The following CDH5 variants were observed in gnomAD, a reference collection of about 807,000 sequenced individuals.
The protein encoded by CDH5 is cadherin-5.
Under a neutral mutation model 62.0 loss-of-function variants are expected in CDH5, and 28 were observed. The ratio of observed to expected loss-of-function variants is 0.45; its 90% confidence interval spans 0.33 to 0.62. The LOEUF (loss-of-function observed/expected upper bound fraction) is 0.62, where lower values mean the gene tolerates loss of function less well. Among genes scored for constraint, CDH5 ranks in the 20% least tolerant of loss-of-function variants. CDH5 has a pLI of 0.02. For missense variants in CDH5, 940 were observed against 1,065.1 expected (o/e 0.88, Z 1.63); for synonymous variants, 464 against 445.8 (o/e 1.04, Z -0.52).
intron 1 of CDH5, chr16:66,376,243 C>T (rs1567460550): frequency 6.6e-6 from 1 of 152,222 alleles, no homozygotes; most frequent in African/African-American, 2.4e-5. Context: ...TGTGACGTCA[C>T]AATGGCTGCA....
At chr16:66,380,871 G>A (rs927364827) in intron 2 of CDH5, among the ~76,000 whole-genome samples, 1 of 151,924 alleles carries the variant, frequency 6.6e-6, no homozygotes, top group African/African-American at 2.4e-5. Flanking sequence ...AGTGTTGATA[G>A]TGGTGATAAT....
rs759015093 is a variant in CDH5, at chr16:66,402,708, G to A, written c.1894G>A (p.Gly632Ser). The A allele has an allele frequency of 7.5e-6, 12 of 1,609,310 alleles. No individual in the cohort carries two copies. In the East Asian group the frequency reaches 1.6e-4, roughly 21 times the overall value. The change falls in exon 12 of 12, where the codon GGC (glycine) becomes AGC (serine). Residue 632 changes from glycine to serine, a missense_variant. Physicochemically the swap from Gly to Ser is moderately conservative, Grantham distance 56. Transcript: ENST00000341529. ...GCTCCGGAAGCAGGCCCGCGCGCACGGCAAGAGCGTGCCGGAGATCCACGA... is the reference window on the plus strand; with the variant it reads ...GCTCCGGAAGCAGGCCCGCGCGCACAGCAAGAGCGTGCCGGAGATCCACGA... ...RRLRKQARAH[G>S]KSVPEIHEQL...
In CDH5 at chr16:66,367,771, T is replaced by C. The variant is rs969541050; in HGVS notation, c.-20+1013T>C. 4.6e-5 allele frequency among the ~76,000 whole-genome samples: 7 copies of C among 152,034 alleles called. No individual in the cohort carries two copies. In the East Asian group the frequency reaches 7.7e-4, roughly 17 times the overall value. On this transcript the variant is annotated intron_variant, in intron 1 of 11. Transcript: ENST00000341529. ...GGGGATTTGAACCAGGATCTCGTAC[T>C]CCAAAGCCCCAGCTCTCCCCAGGTC... is the stretch of plus-strand genomic sequence containing the variant.
In CDH5 at chr16:66,389,453, G is replaced by A. The variant is rs773614809; in HGVS notation, c.712G>A (p.Asp238Asn). Residue 238 changes from aspartate (D) to asparagine (N), a missense_variant, in exon 5 of 12, where the codon GAC becomes AAC. By Grantham distance (23) the Asp-to-Asn change is conservative. Transcript: ENST00000341529. ...EARDAQGLRG[D>N]SGTATVLVTL... is the part of the protein sequence containing the mutation. ...GCGAGATGCCCAGGGCCTCCGGGGG[G>A]ACTCGGGCACGGCCACCGTGCTGGT... 7 of 1,613,134 alleles carry A rather than the reference G, an allele frequency of 4.3e-6. No homozygotes were observed. Among genetic ancestry groups the A allele is most frequent in the South Asian group, 1.1e-5 (1 of 90,950 alleles).
chr16:66,374,406 G>T (rs1452578299), intron 1 of CDH5, among the ~76,000 whole-genome samples: 1 of 152,226 alleles, frequency 6.6e-6, no homozygotes. Flanking sequence ...ACACACAGCT[G>T]CTGTGAGGTG....
At chr16:66,382,105 T>C (rs1017555650) in intron 2 of CDH5, among the ~76,000 whole-genome samples, 2 of 152,246 alleles carry the variant, frequency 1.3e-5, no homozygotes, top group African/African-American at 4.8e-5. Context: ...TATAGGGCCA[T>C]CCCATGCTCA....
intron 8 of CDH5, 51 bp from the exon 9 acceptor site, chr16:66,397,931 C>T (rs749359839): frequency 6.2e-7 from 1 of 1,612,216 alleles, no homozygotes; most frequent in Non-Finnish European, 8.5e-7. Context: ...TTCCACCGCC[C>T]AAGGCCAGCA....
chr16:66,400,778 G>C lies in CDH5; in HGVS notation c.1599G>C (p.Thr533=). ...AGGCCTTGGTGTTTCCAGATAACAC[G>C]GCCAACATCACAGTCAAGTATGGGC... The part of the protein sequence containing the change: ...NFTLTDNHDN[T]ANITVKYGQF... Residue 533 remains threonine (T), a synonymous_variant, in exon 11 of 12, where the codon ACG becomes ACC. Coordinates refer to ENST00000341529, the MANE Select transcript of CDH5 (RefSeq NM_001795.5). 6.2e-7 allele frequency: 1 copy of C among 1,614,174 alleles called. No homozygotes were observed. The highest frequency in any genetic ancestry group is 8.5e-7 in the Non-Finnish European group (1 of 1,180,038).
At chr16:66,379,684 G>A in intron 2 of CDH5, 137 bp downstream of exon 2, 2 of 728,638 alleles carry the variant, frequency 2.7e-6, no homozygotes, top group Non-Finnish European at 4.7e-6. Context: ...TAAGGGTGAA[G>A]GTGGTAGCAA....
intron 1 of CDH5, among the ~76,000 whole-genome samples, chr16:66,370,877 C>T (rs1281665102): frequency 1.3e-5 from 2 of 152,148 alleles, no homozygotes. Context: ...CTGGAAGGGG[C>T]AGGGAAGTGG....
intron 1 of CDH5, chr16:66,376,384 G>A (rs1960787812): frequency 6.6e-6 from 1 of 152,190 alleles, no homozygotes; most frequent in South Asian, 2.1e-4. Flanking sequence ...ACCGCTGGCT[G>A]CGGTCAGCCC....
intron 11 of CDH5, 117 bp downstream of exon 11, chr16:66,401,133 CTCCAA>C: frequency 7.5e-7 from 1 of 1,335,074 alleles, no homozygotes; most frequent in Non-Finnish European, 1.0e-6. Context: ...CCAACCCTGC[CTCCAA>C]TCTGCAATGC....
At chr16:66,375,773 T>C (rs1960773813) in intron 1 of CDH5, among the ~76,000 whole-genome samples, 1 of 151,742 alleles carries the variant, frequency 6.6e-6, no homozygotes, top group Non-Finnish European at 1.5e-5. Context: ...TAGTTTACTA[T>C]TAGGGTAGTG....
intron 1 of CDH5, among the ~76,000 whole-genome samples, chr16:66,372,203 T>C (rs1018700709): frequency 1.3e-5 from 2 of 152,216 alleles, no homozygotes; most frequent in South Asian, 4.1e-4. Flanking sequence ...AAAGCACATG[T>C]CACAATTTCA....
At chr16:66,374,063 G>A (rs575503489) in intron 1 of CDH5, among the ~76,000 whole-genome samples, 5 of 152,220 alleles carry the variant, frequency 3.3e-5, no homozygotes, top group African/African-American at 9.6e-5. Context: ...CACTGCCTCC[G>A]GCTATGTGAA....
At chr16:66,369,702 A>G (rs957314994) in intron 1 of CDH5, among the ~76,000 whole-genome samples, 1 of 152,148 alleles carries the variant, frequency 6.6e-6, no homozygotes, top group South Asian at 2.1e-4. Context: ...AGACTAGATG[A>G]CCCGGAGCCC....
intron 1 of CDH5, among the ~76,000 whole-genome samples, chr16:66,373,849 G>T (rs566999380): frequency 5.3e-5 from 8 of 152,260 alleles, no homozygotes; most frequent in African/African-American, 1.9e-4. Context: ...CTGAGCCTCA[G>T]TTTCCTAATC....
chr16:66,376,570 T>C (rs1459203584), intron 1 of CDH5: 1 of 152,176 alleles, frequency 6.6e-6, no homozygotes, highest in East Asian at 1.9e-4. Context: ...AACCAACCAC[T>C]GCCTGCACAG....
At chr16:66,376,958 C>A (rs1372701693) in intron 1 of CDH5, among the ~76,000 whole-genome samples, 2 of 152,222 alleles carry the variant, frequency 1.3e-5, no homozygotes, top group Admixed American at 6.5e-5. Context: ...AGCCTGGGCG[C>A]TCACCCTGTT....
Sources: gnomAD v4.1 joint callset for allele counts (sites outside exome capture counted in the v4.1 genomes callset) on GRCh38, gnomAD v4.1.1 for gene constraint, MANE v1.5 for transcripts, NCBI Gene and HGNC (gene_info 2026-07-23, HGNC 2026-07-21) for gene names.